NXPE2: variants seen among roughly 807,000 people sequenced by gnomAD.
The protein encoded by NXPE2 is neurexophilin and PC-esterase domain family member 2.
Under a neutral mutation model 34.4 loss-of-function variants are expected in NXPE2, and 34 were observed. The observed-to-expected ratio is 0.99, with a 90% CI of 0.75 to 1.31. NXPE2 has a LOEUF of 1.31. Ranked by LOEUF, NXPE2 falls within the 40% of genes most tolerant of loss-of-function variation. NXPE2 has a pLI of 0.00. For missense variants in NXPE2, 649 were observed against 672.5 expected (o/e 0.97, Z 0.39); for synonymous variants, 235 against 231.3 (o/e 1.02, Z -0.15).
At chr11:114,794,387 C>T in the NXPE2 span, among the ~76,000 whole-genome samples, 3 of 152,116 alleles carry the variant, frequency 2.0e-5, no homozygotes, top group Non-Finnish European at 2.9e-5. Context: ...TTAGTTGGCC[C>T]AATCATGATG....
At chr11:114,810,350 TTAAAC>T in the NXPE2 span, among the ~76,000 whole-genome samples, 1 of 140,122 alleles carries the variant, frequency 7.1e-6, no homozygotes, top group East Asian at 2.1e-4. Context: ...TGAGATCTAA[TTAAAC>T]TAAAGAGCTT....
chr11:114,774,892 G>A, the NXPE2 span, among the ~76,000 whole-genome samples: 1 of 152,184 alleles, frequency 6.6e-6, no homozygotes, highest in African/African-American at 2.4e-5. Flanking sequence ...AGGACTGTGC[G>A]CTGGTACCTA....
chr11:114,506,189 A>G, the NXPE2 span, among the ~76,000 whole-genome samples: 7 of 152,150 alleles, frequency 4.6e-5, no homozygotes, highest in Non-Finnish European at 7.4e-5. Context: ...TAGCCAACTT[A>G]AATACATATA....
the NXPE2 span, among the ~76,000 whole-genome samples, chr11:114,606,925 T>C: frequency 4.0e-5 from 6 of 149,032 alleles, no homozygotes; most frequent in African/African-American, 9.9e-5. Flanking sequence ...ATAAGTATTG[T>C]CTCATGGGTA....
At chr11:114,495,552 A>G in the NXPE2 span, among the ~76,000 whole-genome samples, 1 of 151,232 alleles carries the variant, frequency 6.6e-6, no homozygotes, top group East Asian at 2.0e-4. Context: ...AGTCCCCTTT[A>G]CTCTTCCTTC....
the NXPE2 span, chr11:114,518,510 G>A: frequency 6.6e-6 from 1 of 152,210 alleles, no homozygotes; most frequent in East Asian, 1.9e-4. Flanking sequence ...TTGTTTTTGT[G>A]AATGGGGTTC....
In NXPE2 at chr11:114,698,627, G is replaced by A. The variant is rs1286992618; in HGVS notation, c.715G>A (p.Ala239Thr). The change falls in exon 3 of 6, where the codon GCT becomes ACT. Residue 239 changes from alanine (A) to threonine (T), a missense_variant. Coordinates refer to ENST00000389586, the MANE Select transcript of NXPE2 (RefSeq NM_182495.6). Reference sequence around the variant, plus strand: ...ATGTGGCCTGACCCTAAACACAAATGCTGAACTGTGCCAGTACATGGATGA... The same window carrying A: ...ATGTGGCCTGACCCTAAACACAAATACTGAACTGTGCCAGTACATGGATGA... ...TECGLTLNTN[A>T]ELCQYMDDRD... The A allele has an allele frequency of 6.2e-7, 1 of 1,614,026 alleles. No individual in the cohort carries two copies. The highest frequency in any genetic ancestry group is 1.3e-5 in the African/African-American group (1 of 74,900).
the NXPE2 span, among the ~76,000 whole-genome samples, chr11:114,533,209 T>A: frequency 2.8e-3 from 432 of 152,268 alleles, 1 homozygote; most frequent in African/African-American, 9.6e-3. Flanking sequence ...AAACCAGAGT[T>A]AGCAAATTAT....
At chr11:114,761,483 GAGGCAGGCCCTGGTTGTGATTTTCCAGC>G in the NXPE2 span, among the ~76,000 whole-genome samples, 1 of 151,562 alleles carries the variant, frequency 6.6e-6, no homozygotes, top group Admixed American at 6.6e-5. Context: ...GTGTAAGTTA[GAGGCAGGCCCTGGTTGTGATTTTCCAGC>G]ATGCTAAATG....
chr11:114,623,765 G>A, the NXPE2 span, among the ~76,000 whole-genome samples: 2 of 151,604 alleles, frequency 1.3e-5, no homozygotes, highest in Non-Finnish European at 2.9e-5. Context: ...GATAATACAT[G>A]TTGCCTCGTG....
chr11:114,723,403 G>A, the NXPE2 span, among the ~76,000 whole-genome samples: 7 of 152,270 alleles, frequency 4.6e-5, no homozygotes, highest in South Asian at 1.5e-3. Flanking sequence ...AATCCAAGGT[G>A]TGGAAAGTAG....
chr11:114,582,445 T>C, the NXPE2 span: 1 of 1,614,184 alleles, frequency 6.2e-7, no homozygotes, highest in Non-Finnish European at 8.5e-7. Context: ...TCAGCATTTG[T>C]GTTTAGGATC....
chr11:114,658,497 C>G, the NXPE2 span, among the ~76,000 whole-genome samples: 2 of 152,162 alleles, frequency 1.3e-5, no homozygotes, highest in South Asian at 4.2e-4. Context: ...CTAATGCAGG[C>G]CTGGAGGGGG....
At chr11:114,796,849 G>A in the NXPE2 span, among the ~76,000 whole-genome samples, 1 of 152,240 alleles carries the variant, frequency 6.6e-6, no homozygotes, top group African/African-American at 2.4e-5. Context: ...AAGGCTAAGA[G>A]CTGTTGAGCA....
chr11:114,553,983 A>C, the NXPE2 span: 1 of 985,324 alleles, frequency 1.0e-6, no homozygotes, highest in African/African-American at 1.7e-5. Context: ...GGAATCTCAA[A>C]GTCAACTTGT....
chr11:114,522,118 G>A, the NXPE2 span: 1 of 1,614,102 alleles, frequency 6.2e-7, no homozygotes, highest in Middle Eastern at 1.7e-4. Flanking sequence ...TGATAAGATA[G>A]TGAATATAAC....
the NXPE2 span, among the ~76,000 whole-genome samples, chr11:114,653,442 G>T: frequency 3.5e-4 from 53 of 151,548 alleles, no homozygotes; most frequent in African/African-American, 1.2e-3. Context: ...TCTGCCTCCA[G>T]AAGGCAGCTT....
At chr11:114,475,276 C>T in the NXPE2 span, among the ~76,000 whole-genome samples, 1 of 120,114 alleles carries the variant, frequency 8.3e-6, no homozygotes, top group African/African-American at 3.1e-5. Context: ...TGGAGTCTCG[C>T]TCTGTCGCCC....
At chr11:114,804,052 C>T in the NXPE2 span, among the ~76,000 whole-genome samples, 2 of 152,218 alleles carry the variant, frequency 1.3e-5, no homozygotes, top group African/African-American at 2.4e-5. Context: ...TCTATATCTA[C>T]TCTACAAAAG....
Sources: gnomAD v4.1 joint callset for allele counts (sites outside exome capture counted in the v4.1 genomes callset) on GRCh38, gnomAD v4.1.1 for gene constraint, MANE v1.5 for transcripts, NCBI Gene and HGNC (gene_info 2026-07-23, HGNC 2026-07-21) for gene names.